Variants in ESRP1 observed in about 807,000 individuals in gnomAD.
The protein encoded by ESRP1 is epithelial splicing regulatory protein 1.
Under a neutral mutation model 81.7 loss-of-function variants are expected in ESRP1, and 33 were observed. That is an observed-to-expected ratio of 0.40 (90% CI 0.31 to 0.54). The LOEUF (loss-of-function observed/expected upper bound fraction) is 0.54, where lower values mean the gene tolerates loss of function less well. Among genes scored for constraint, ESRP1 ranks in the 20% least tolerant of loss-of-function variants. The pLI, the probability that ESRP1 is intolerant of heterozygous loss-of-function variation, is 0.41. For synonymous variants in ESRP1, 320 were observed against 303.3 expected, an observed-to-expected ratio of 1.06 and a Z score of -0.57; for missense variants, 672 against 833.1, an observed-to-expected ratio of 0.81 and a Z score of 2.38.
At chr8:94,682,545 T>C (rs560743990) in intron 13 of ESRP1, among the ~76,000 whole-genome samples, 2 of 149,152 alleles carry the variant, frequency 1.3e-5, no homozygotes, top group East Asian at 4.1e-4. Flanking sequence ...TTTTTGACTT[T>C]TTGTGGAGAC....
chr8:94,692,331 C>T (rs554382204), intron 13 of ESRP1, among the ~76,000 whole-genome samples: 29 of 152,180 alleles, frequency 1.9e-4, no homozygotes, highest in Non-Finnish European at 1.0e-4. Flanking sequence ...CCTTAGTGTT[C>T]TTGGTAGCTA....
intron 13 of ESRP1, among the ~76,000 whole-genome samples, chr8:94,680,507 A>T (rs1586230027): frequency 6.6e-6 from 1 of 151,810 alleles, no homozygotes; most frequent in Admixed American, 6.6e-5. Context: ...GTCTCACCAC[A>T]CCCTCCGCCT....
In ESRP1 at chr8:94,674,376, G is replaced by T; in HGVS notation, c.1521G>T (p.Lys507Asn). The change falls in exon 12 of 16, where the codon AAG (lysine) becomes AAT (asparagine). Residue 507 changes from lysine to asparagine, a missense_variant. Lys to Asn is a moderately conservative substitution (Grantham distance 94). Coordinates refer to ENST00000433389, the MANE Select transcript of ESRP1 (RefSeq NM_017697.4). ...ACAGAGCATTTATGGCTGCACAGAAGTGTCATAAAAAAAACATGAAGGACA... is the reference window on the plus strand; with the variant it reads ...ACAGAGCATTTATGGCTGCACAGAATTGTCATAAAAAAAACATGAAGGACA... ...SADRAFMAAQ[K>N]CHKKNMKDRY... 1.9e-6 allele frequency: 3 copies of T among 1,613,962 alleles called. No homozygotes were observed. The highest frequency in any genetic ancestry group is 2.5e-6 in the Non-Finnish European group (3 of 1,179,880).
At position 94,687,988 on chromosome 8, in the gene ESRP1, T is replaced by C. The variant is rs1309253905; in HGVS notation, c.1821-4689T>C. ...GGGTCACAAAGATTTACTACTATGT[T>C]TTGTAAGTGTTTTGTAGTTTTAGCT... On this transcript the variant is annotated intron_variant, in intron 13 of 15. Coordinates refer to ENST00000433389, the MANE Select transcript of ESRP1 (RefSeq NM_017697.4). Among the ~76,000 whole-genome samples, 6 of 152,314 alleles carry C rather than the reference T, an allele frequency of 3.9e-5. No individual in the cohort carries two copies. In the East Asian group the frequency reaches 1.2e-3, roughly 29 times the overall value.
At chr8:94,683,827 ACTCT>A (rs1809023970) in intron 13 of ESRP1, among the ~76,000 whole-genome samples, 1 of 152,044 alleles carries the variant, frequency 6.6e-6, no homozygotes, top group Non-Finnish European at 1.5e-5. Context: ...TGGGCAACTC[ACTCT>A]CTCCTACTAG....
chr8:94,692,116 A>G (rs1809425541), intron 13 of ESRP1, among the ~76,000 whole-genome samples: 2 of 152,112 alleles, frequency 1.3e-5, no homozygotes, highest in Non-Finnish European at 2.9e-5. Flanking sequence ...ATCTCTTCCA[A>G]CGTCCGCCAC....
At chr8:94,704,175 C>T (rs375061301) in intron 15 of ESRP1, among the ~76,000 whole-genome samples, 46 of 128,988 alleles carry the variant, frequency 3.6e-4, no homozygotes, top group South Asian at 4.9e-4. Flanking sequence ...GCTTCTGAGA[C>T]TTTTTTTTTT....
rs766101176 is a variant in ESRP1 at position 94,641,468 on chromosome 8, C to T, written c.132+18C>T. On this transcript the variant is annotated intron_variant, in intron 1 of 15. Transcript: ENST00000433389. ...ACAAGAAGGTATTTCTCCACATTTT[C>T]GTCTAAATGCAAGGAATGGGGCAAG... The T allele has an allele frequency of 3.7e-6, 6 of 1,613,628 alleles. No individual in the cohort carries two copies. Among genetic ancestry groups the T allele is most frequent in the Non-Finnish European group, 5.1e-6 (6 of 1,179,780 alleles).
intron 3 of ESRP1, 67 bp downstream of exon 3, chr8:94,643,483 T>G: frequency 9.4e-7 from 1 of 1,060,304 alleles, no homozygotes; most frequent in Non-Finnish European, 1.4e-6. Flanking sequence ...TTTTAAAAAT[T>G]TTTGGTTTAT....
At chr8:94,692,982 T>C (rs1366346445) in intron 14 of ESRP1, among the ~76,000 whole-genome samples, 155 bp downstream of exon 14, 2 of 152,082 alleles carry the variant, frequency 1.3e-5, no homozygotes, top group Non-Finnish European at 2.9e-5. Flanking sequence ...CTGGAGTCAC[T>C]GTGGGGACCA....
At chr8:94,672,554 A>G (rs1158020205) in intron 11 of ESRP1, among the ~76,000 whole-genome samples, 1 of 150,038 alleles carries the variant, frequency 6.7e-6, no homozygotes, top group Non-Finnish European at 1.5e-5. Flanking sequence ...TTTTTTTGAG[A>G]CAGAGTCTCA....
chr8:94,650,038 G>A (rs1818043303), intron 4 of ESRP1, among the ~76,000 whole-genome samples: 1 of 151,446 alleles, frequency 6.6e-6, no homozygotes. Context: ...CTCTCCCCGT[G>A]CCCCCTCACT....
Position 94,707,265 on chromosome 8 carries a change from A to T in ESRP1, c.*1376A>T, listed in dbSNP as rs967474813. ...ATGGCCCTTTAACTGCAATAGGAAG[A>T]AAAAAAAAAAGGTTTGTGTGAAAAT... On this transcript the variant is annotated 3_prime_UTR_variant, in exon 16 of 16. Transcript: ENST00000433389. The T allele has an allele frequency of 2.0e-5, 3 of 147,428 alleles. No homozygotes were observed. The highest frequency in any genetic ancestry group is 4.5e-5 in the Non-Finnish European group (3 of 66,616). The allele number at this position is 147,428 out of a possible 1,614,324, so 9.1% of individuals were successfully genotyped here.
intron 13 of ESRP1, among the ~76,000 whole-genome samples, chr8:94,685,635 T>G (rs1809107151): frequency 6.6e-6 from 1 of 151,852 alleles, no homozygotes; most frequent in South Asian, 2.1e-4. Flanking sequence ...AACTCCATTC[T>G]GAAAAAATAA....
intron 14 of ESRP1, among the ~76,000 whole-genome samples, chr8:94,695,761 T>G (rs761639061): frequency 1.0e-4 from 15 of 146,300 alleles, no homozygotes; most frequent in Non-Finnish European, 2.1e-4. Context: ...TAACAAAATT[T>G]CTTACATAAA....
chr8:94,681,435 T>C (rs7464856), intron 13 of ESRP1, among the ~76,000 whole-genome samples: 52,051 of 150,184 alleles, frequency 0.35, 9,561 homozygotes, highest in East Asian at 0.56. Context: ...GTTAGGAGTT[T>C]GAGACCAGCC....
intron 13 of ESRP1, among the ~76,000 whole-genome samples, chr8:94,686,739 C>T (rs1402471282): frequency 6.6e-6 from 1 of 152,114 alleles, no homozygotes; most frequent in East Asian, 1.9e-4. Flanking sequence ...AATACTGGCA[C>T]TTGAGAATCT....
At chr8:94,649,992 CCTCTTCCTCTCCCTGCTCCTT>C (rs573478626) in intron 4 of ESRP1, among the ~76,000 whole-genome samples, 11 of 152,194 alleles carry the variant, frequency 7.2e-5, no homozygotes, top group African/African-American at 2.6e-4. Context: ...TTATTCTCTC[CCTCTTCCTCTCCCTGCTCCTT>C]CCCTTCCTCT....
At chr8:94,704,064 A>G (rs7829467) in intron 15 of ESRP1, among the ~76,000 whole-genome samples, 105,597 of 152,008 alleles carry the variant, frequency 0.69, 38,166 homozygotes, top group African/African-American at 0.91. Flanking sequence ...ATCCTAACCA[A>G]TATTTCCATG....
Sources: allele counts gnomAD v4.1 joint callset (sites outside exome capture counted in the v4.1 genomes callset), GRCh38; gene constraint gnomAD v4.1.1; transcripts MANE v1.5; gene names NCBI Gene and HGNC (gene_info 2026-07-23, HGNC 2026-07-21).